Variants in PPP3CC observed in about 807,000 individuals in gnomAD.
PPP3CC encodes the protein serine/threonine-protein phosphatase 2B catalytic subunit gamma isoform.
PPP3CC carries 35 observed loss-of-function variants against 60.3 expected under a neutral mutation model. That is an observed-to-expected ratio of 0.58 (90% CI 0.44 to 0.77). The LOEUF (loss-of-function observed/expected upper bound fraction) is 0.77, where lower values mean the gene tolerates loss of function less well. Among genes scored for constraint, PPP3CC ranks in the 30% least tolerant of loss-of-function variants. The probability of loss-of-function intolerance (pLI) is 0.00; values close to 1 mark genes in which losing one functional copy is unlikely to be tolerated. For missense variants in PPP3CC, 570 were observed against 628.9 expected (o/e 0.91, Z 1.00); for synonymous variants, 206 against 224.3 (o/e 0.92, Z 0.73).
intron 1 of PPP3CC, among the ~76,000 whole-genome samples, chr8:22,470,487 A>G (rs1335786246): frequency 6.6e-6 from 1 of 152,216 alleles, no homozygotes; most frequent in Non-Finnish European, 1.5e-5. Context: ...TACATAAATA[A>G]AGATCATTAA....
chr8:22,470,500 A>T (rs980365359), intron 1 of PPP3CC, among the ~76,000 whole-genome samples: 2 of 152,218 alleles, frequency 1.3e-5, no homozygotes, highest in African/African-American at 4.8e-5. Context: ...ATCATTAAGA[A>T]CAAAAAAGGC....
At chr8:22,529,982 C>G (rs1475850260) in intron 10 of PPP3CC, among the ~76,000 whole-genome samples, 1 of 152,138 alleles carries the variant, frequency 6.6e-6, no homozygotes, top group Non-Finnish European at 1.5e-5. Context: ...CTCATCCTAT[C>G]CAGGCTCTGT....
At position 22,444,649 on chromosome 8, in the gene PPP3CC, T is replaced by A. The variant is rs559093902; in HGVS notation, c.49+3191T>A. Among the ~76,000 whole-genome samples the A allele has an allele frequency of 4.6e-5, 7 of 152,350 alleles. No homozygotes were observed. The South Asian group carries it at 1.2e-3, about 27-fold the overall frequency. ...TGTTTATTTTATGTTTAAACCTTCT[T>A]ATGATTTTACTCATTCATTAAATGT... On this transcript the variant is annotated intron_variant, in intron 1 of 13. Coordinates refer to ENST00000240139, the MANE Select transcript of PPP3CC (RefSeq NM_005605.5).
At chr8:22,444,708 G>A (rs1290134329) in intron 1 of PPP3CC, among the ~76,000 whole-genome samples, 1 of 152,184 alleles carries the variant, frequency 6.6e-6, no homozygotes, top group African/African-American at 2.4e-5. Context: ...ACCCTAGTAG[G>A]TTGCTCATTC....
rs760416281 is a variant in PPP3CC, at chr8:22,528,497, C to G, written c.1070-9C>G. 1.8e-5 allele frequency: 27 copies of G among 1,510,586 alleles called. No individual in the cohort carries two copies. Among genetic ancestry groups the G allele is most frequent in the Non-Finnish European group, 2.4e-5 (27 of 1,120,560 alleles). 93.6% of individuals were successfully genotyped at this position (1,510,586 alleles called of 1,614,324 possible). ...TCGCGTAAATTTTGGATTATTTTGT[C>G]TTACTTAGTCACAGAGATGCTGGTA... On this transcript the variant is annotated splice_polypyrimidine_tract_variant and intron_variant, in intron 9 of 13. Transcript: ENST00000240139.
chr8:22,522,145 A>G lies in PPP3CC; in HGVS notation c.771-346A>G, dbSNP rs886374485. Among the ~76,000 whole-genome samples, 43 of 149,536 alleles carry G rather than the reference A, an allele frequency of 2.9e-4. No individual in the cohort carries two copies. In the South Asian group the frequency reaches 3.8e-3, roughly 13 times the overall value. On this transcript the variant is annotated intron_variant, in intron 6 of 13. Transcript: ENST00000240139. ...GCATCTACTACACACACACGCACAC[A>G]CACACACACACACACACTACTGTTG...
intron 1 of PPP3CC, among the ~76,000 whole-genome samples, chr8:22,462,526 T>G (rs1837391088): frequency 6.6e-6 from 1 of 152,218 alleles, no homozygotes; most frequent in African/African-American, 2.4e-5. Flanking sequence ...ATGGTAGACA[T>G]TTTGGCCTCT....
chr8:22,515,834 A>G (rs1349968311), intron 6 of PPP3CC, among the ~76,000 whole-genome samples: 1 of 152,106 alleles, frequency 6.6e-6, no homozygotes, highest in Non-Finnish European at 1.5e-5. Context: ...TTCCTATTGA[A>G]TTGTTTGAGC....
intron 1 of PPP3CC, among the ~76,000 whole-genome samples, chr8:22,465,308 T>C (rs2070036471): frequency 6.6e-6 from 1 of 152,120 alleles, no homozygotes; most frequent in African/African-American, 2.4e-5. Flanking sequence ...TGCTATGCTT[T>C]AAATATGATC....
intron 1 of PPP3CC, among the ~76,000 whole-genome samples, chr8:22,453,762 A>C (rs917728373): frequency 5.3e-5 from 8 of 152,216 alleles, no homozygotes; most frequent in African/African-American, 1.9e-4. Context: ...ATGTTACTCT[A>C]TTTAATACTG....
At chr8:22,480,709 T>C (rs996140971) in intron 3 of PPP3CC, among the ~76,000 whole-genome samples, 1 of 151,982 alleles carries the variant, frequency 6.6e-6, no homozygotes, top group Admixed American at 6.5e-5. Context: ...CAACTCCTGA[T>C]CTCAGGTGAT....
chr8:22,487,717 G>T (rs1838266605), intron 3 of PPP3CC, among the ~76,000 whole-genome samples: 1 of 152,144 alleles, frequency 6.6e-6, no homozygotes, highest in Non-Finnish European at 1.5e-5. Flanking sequence ...TGTGAGAAAA[G>T]AAAAGATTAA....
rs1839944419 is a variant in PPP3CC at position 22,540,868 on chromosome 8, G to A, written c.*66G>A. The A allele has an allele frequency of 1.5e-6, 2 of 1,368,356 alleles. No homozygotes were observed. The highest frequency in any genetic ancestry group is 3.1e-5 in the Admixed American group (1 of 32,522). The allele number at this position is 1,368,356 out of a possible 1,614,324, so 84.8% of individuals were successfully genotyped here. A position where few individuals can be genotyped will look rare whatever the true frequency, so the allele number is the denominator to read the frequency against. ...GAACAAATTCTATTTATTTATTATT[G>A]GAAAATGAAAAGCAACTCAAAACAA... On this transcript the variant is annotated 3_prime_UTR_variant, in exon 14 of 14. Transcript: ENST00000240139.
intron 4 of PPP3CC, among the ~76,000 whole-genome samples, chr8:22,508,150 G>A (rs1838980047): frequency 6.6e-6 from 1 of 152,092 alleles, no homozygotes; most frequent in African/African-American, 2.4e-5. Flanking sequence ...CAGCTACTTA[G>A]AAGATTAGAC....
At chr8:22,489,287 G>A (rs1271950750) in intron 3 of PPP3CC, among the ~76,000 whole-genome samples, 1 of 151,954 alleles carries the variant, frequency 6.6e-6, no homozygotes, top group African/African-American at 2.4e-5. Context: ...AATTGATCGA[G>A]CTCCTCAGGT....
intron 4 of PPP3CC, among the ~76,000 whole-genome samples, chr8:22,507,685 C>T (rs1838963833): frequency 6.6e-6 from 1 of 152,158 alleles, no homozygotes; most frequent in South Asian, 2.1e-4. Flanking sequence ...CATTATTCTG[C>T]ATATTTTACA....
At chr8:22,479,048 T>A (rs1350576063) in intron 3 of PPP3CC, among the ~76,000 whole-genome samples, 1 of 152,202 alleles carries the variant, frequency 6.6e-6, no homozygotes. Context: ...TCATTGGAAG[T>A]CACTTATTTA....
chr8:22,532,074 T>A, intron 10 of PPP3CC, 151 bp from the exon 11 acceptor site: 1 of 542,490 alleles, frequency 1.8e-6, no homozygotes. Context: ...TAGAACTTCC[T>A]GAGATTTTTG....
intron 3 of PPP3CC, among the ~76,000 whole-genome samples, chr8:22,496,515 T>TTTTG: frequency 8.1e-6 from 1 of 123,094 alleles, no homozygotes; most frequent in Non-Finnish European, 1.6e-5. Flanking sequence ...TTTTTTTTTT[T>TTTTG]GAGACAGAGT....
Sources: allele counts gnomAD v4.1 joint callset (sites outside exome capture counted in the v4.1 genomes callset), GRCh38; gene constraint gnomAD v4.1.1; transcripts MANE v1.5; gene names NCBI Gene and HGNC (gene_info 2026-07-23, HGNC 2026-07-21).